GRID2: variants seen among roughly 807,000 people sequenced by gnomAD.
GRID2 encodes the protein glutamate receptor ionotropic, delta-2.
Under a neutral mutation model 114.8 loss-of-function variants are expected in GRID2, and 33 were observed. The ratio of observed to expected loss-of-function variants is 0.29; its 90% CI spans 0.22 to 0.38. GRID2 has a LOEUF of 0.38. GRID2 is among the 10% of genes least tolerant of loss of function. The pLI is 1.00. For missense variants in GRID2, 1,184 were observed against 1,257.7 expected (o/e 0.94, Z 0.89); for synonymous variants, 505 against 449.9 (o/e 1.12, Z -1.55).
chr4:92,628,969 G>C (rs1368475024), intron 2 of GRID2, among the ~76,000 whole-genome samples: 1 of 151,858 alleles, frequency 6.6e-6, no homozygotes, highest in African/African-American at 2.4e-5. Flanking sequence ...GTGGCTGCTG[G>C]AGAGGTAAAA....
intron 10 of GRID2, among the ~76,000 whole-genome samples, chr4:93,431,159 T>A (rs1447240125): frequency 6.6e-6 from 1 of 152,178 alleles, no homozygotes; most frequent in Non-Finnish European, 1.5e-5. Context: ...GTTGTGTAAC[T>A]AATTGGGACA....
intron 14 of GRID2, among the ~76,000 whole-genome samples, chr4:93,662,379 A>C (rs72873055): frequency 0.047 from 7,163 of 152,200 alleles, 555 homozygotes; most frequent in African/African-American, 0.16. Context: ...AATATTATGC[A>C]AATATTATGC....
chr4:92,599,576 A>G (rs1729104431), intron 2 of GRID2, among the ~76,000 whole-genome samples: 1 of 152,128 alleles, frequency 6.6e-6, no homozygotes, highest in African/African-American at 2.4e-5. Context: ...ACATGATATC[A>G]TGTTATTTTC....
intron 2 of GRID2, among the ~76,000 whole-genome samples, chr4:93,011,922 A>G (rs1722214030): frequency 1.3e-5 from 2 of 152,108 alleles, no homozygotes; most frequent in South Asian, 4.1e-4. Context: ...ATAATGTACA[A>G]TGATATGTAC....
chr4:92,889,057 A>G (rs751379979), intron 2 of GRID2, among the ~76,000 whole-genome samples: 9 of 152,162 alleles, frequency 5.9e-5, no homozygotes, highest in Non-Finnish European at 8.8e-5. Flanking sequence ...GCAAACCAAG[A>G]CAGTATGTTT....
At chr4:92,620,384 C>A (rs1730209695) in intron 2 of GRID2, among the ~76,000 whole-genome samples, 1 of 151,528 alleles carries the variant, frequency 6.6e-6, no homozygotes, top group African/African-American at 2.4e-5. Context: ...TAGTTATTAT[C>A]AGAAGGGAAA....
At chr4:92,508,324 T>C (rs1260593591) in intron 1 of GRID2, among the ~76,000 whole-genome samples, 2 of 151,946 alleles carry the variant, frequency 1.3e-5, no homozygotes, top group Admixed American at 6.6e-5. Flanking sequence ...GTAGTTCTAG[T>C]GCTTAAGGTA....
chr4:93,331,621 G>C (rs909402543), intron 8 of GRID2, among the ~76,000 whole-genome samples: 3 of 152,066 alleles, frequency 2.0e-5, no homozygotes, highest in African/African-American at 7.2e-5. Flanking sequence ...AGAGTGGCTA[G>C]CAATAGCAGC....
intron 8 of GRID2, among the ~76,000 whole-genome samples, chr4:93,277,161 C>CTT (rs778126481): frequency 0.016 from 2,449 of 151,842 alleles, 24 homozygotes; most frequent in Middle Eastern, 0.048. Flanking sequence ...TCCTTTTATG[C>CTT]TTAGAAAGAA....
In GRID2 at chr4:92,751,335, GC is replaced by G. The variant is rs771435381; in HGVS notation, c.244+161051del. 2.7e-4 allele frequency among the ~76,000 whole-genome samples: 41 copies of G among 152,090 alleles called. No homozygotes were observed. In the South Asian group the frequency reaches 3.1e-3, roughly 12 times the overall value. ...AAAACTAGTAAATAAATAAAAAATA[GC>G]CATCTTTCAATTATTTGTCAGCTAT... On this transcript the variant is annotated intron_variant, in intron 2 of 15. Coordinates refer to ENST00000282020, the MANE Select transcript of GRID2 (RefSeq NM_001510.4).
At chr4:93,019,982 C>G (rs1723129824) in intron 2 of GRID2, among the ~76,000 whole-genome samples, 1 of 152,142 alleles carries the variant, frequency 6.6e-6, no homozygotes, top group African/African-American at 2.4e-5. Context: ...TGCCTGTGTT[C>G]AGATTCTTCA....
At chr4:92,427,483 A>C (rs1732216770) in intron 1 of GRID2, among the ~76,000 whole-genome samples, 1 of 152,214 alleles carries the variant, frequency 6.6e-6, no homozygotes, top group Admixed American at 6.5e-5. Context: ...TTTTCAGTCC[A>C]TCTCAGATGT....
chr4:93,315,943 A>G (rs553196632), intron 8 of GRID2, among the ~76,000 whole-genome samples: 2 of 152,240 alleles, frequency 1.3e-5, no homozygotes, highest in Admixed American at 6.6e-5. Context: ...TGAATTTATC[A>G]AATTACCTAA....
intron 2 of GRID2, among the ~76,000 whole-genome samples, chr4:93,053,971 C>A (rs1338607062): frequency 6.6e-6 from 1 of 151,902 alleles, no homozygotes; most frequent in Non-Finnish European, 1.5e-5. Flanking sequence ...CTCTTCACTG[C>A]CAGATAATTC....
At chr4:92,604,109 C>T (rs1729346004) in intron 2 of GRID2, among the ~76,000 whole-genome samples, 1 of 152,074 alleles carries the variant, frequency 6.6e-6, no homozygotes, top group Non-Finnish European at 1.5e-5. Flanking sequence ...ATCAGTTCAA[C>T]CATTGTGGAA....
intron 13 of GRID2, among the ~76,000 whole-genome samples, chr4:93,522,923 C>T (rs920842406): frequency 2.0e-5 from 3 of 152,050 alleles, no homozygotes; most frequent in African/African-American, 7.2e-5. Context: ...ATAATCAAAT[C>T]GCCAAGAAGA....
chr4:92,611,850 A>G (rs1729760589), intron 2 of GRID2, among the ~76,000 whole-genome samples: 1 of 151,492 alleles, frequency 6.6e-6, no homozygotes, highest in Non-Finnish European at 1.5e-5. Context: ...GTTTTTTGAC[A>G]ATCTTATTTA....
chr4:92,315,523 T>C (rs1435030537), intron 1 of GRID2, among the ~76,000 whole-genome samples: 1 of 152,178 alleles, frequency 6.6e-6, no homozygotes, highest in Non-Finnish European at 1.5e-5. Context: ...CTGCGTGGAC[T>C]TAAATCCAAA....
chr4:93,016,528 T>G (rs1296858248), intron 2 of GRID2, among the ~76,000 whole-genome samples: 1 of 152,160 alleles, frequency 6.6e-6, no homozygotes, highest in Non-Finnish European at 1.5e-5. Context: ...CTTTACTCCA[T>G]GCACTGCCTC....
Sources: gnomAD v4.1 joint callset for allele counts (sites outside exome capture counted in the v4.1 genomes callset) on GRCh38, gnomAD v4.1.1 for gene constraint, MANE v1.5 for transcripts, NCBI Gene and HGNC (gene_info 2026-07-23, HGNC 2026-07-21) for gene names.